The following SERAC1 variants were observed in gnomAD, a reference collection of about 807,000 sequenced individuals.
SERAC1 encodes the protein protein SERAC1.
In SERAC1, 36 loss-of-function variants were observed where a neutral mutation model predicts 85.7. That is an observed-to-expected ratio of 0.42 (90% confidence interval 0.32 to 0.55). The LOEUF (loss-of-function observed/expected upper bound fraction) is 0.55. Ranked by LOEUF, SERAC1 falls within the 20% of genes least tolerant of loss-of-function variation. SERAC1 has a pLI of 0.11. For synonymous variants in SERAC1, 242 were observed against 265.3 expected, an observed-to-expected ratio of 0.91 and a Z score of 0.85; for missense variants, 629 against 796.2, an observed-to-expected ratio of 0.79 and a Z score of 2.53.
chr6:158,158,418 C>T (rs978825951), intron 1 of SERAC1, 54 bp from the exon 2 acceptor site: 2 of 1,291,456 alleles, frequency 1.5e-6, no homozygotes, highest in Non-Finnish European at 2.2e-6. Flanking sequence ...AATCAAAACA[C>T]TTGTTTTAAC....
intron 10 of SERAC1, among the ~76,000 whole-genome samples, chr6:158,126,136 A>G (rs895902930): frequency 6.6e-6 from 1 of 152,196 alleles, no homozygotes; most frequent in Admixed American, 6.5e-5. Flanking sequence ...ATCTATATAT[A>G]TATGTGTGTA....
intron 10 of SERAC1, among the ~76,000 whole-genome samples, chr6:158,127,421 G>A (rs1467967627): frequency 2.7e-5 from 1 of 37,636 alleles, no homozygotes; most frequent in Admixed American, 3.1e-4. Context: ...GGGAGGTGAG[G>A]GGCGCCTCTG....
At chr6:158,131,860 T>C (rs827673) in intron 8 of SERAC1, among the ~76,000 whole-genome samples, 80,700 of 152,084 alleles carry the variant, frequency 0.53, 21,766 homozygotes, top group African/African-American at 0.61. Context: ...AAATCAATTA[T>C]GGTACAGTTG....
intron 3 of SERAC1, among the ~76,000 whole-genome samples, chr6:158,153,889 G>C (rs994152278): frequency 1.3e-5 from 2 of 152,088 alleles, no homozygotes; most frequent in Non-Finnish European, 2.9e-5. Flanking sequence ...CCAGCACTTT[G>C]GAAGGCCAAG....
chr6:158,158,132 G>GT, intron 2 of SERAC1, 141 bp downstream of exon 2: 1 of 526,580 alleles, frequency 1.9e-6, no homozygotes, highest in Non-Finnish European at 3.3e-6. Context: ...TAAATTTGGG[G>GT]TGAACTATTA....
rs189786314 is a variant in SERAC1 at position 158,120,695 on chromosome 6, G to A, written c.1016-120C>T. 62 of 1,093,468 alleles carry A rather than the reference G, an allele frequency of 5.7e-5. No homozygotes were observed. The highest frequency in any genetic ancestry group is 4.0e-4 in the Admixed American group (15 of 37,620). 67.7% of individuals were successfully genotyped at this position (1,093,468 alleles called of 1,614,324 possible). A position where few individuals can be genotyped will look rare whatever the true frequency, so the allele number is the denominator to read the frequency against. On this transcript the variant is annotated intron_variant, in intron 10 of 16. Transcript: ENST00000647468. The surrounding 1 kb of genome is among the most constrained non-coding windows in gnomAD (Gnocchi z 4.4). Reference sequence around the variant, plus strand: ...CAAACCTTGCGTGTCTGTCCTTGGCGGAGAAGTCCGACTATTCCAACCCCA... The same window carrying A: ...CAAACCTTGCGTGTCTGTCCTTGGCAGAGAAGTCCGACTATTCCAACCCCA...
At position 158,139,908 on chromosome 6, in the gene SERAC1, T is replaced by C. The variant is rs188899255; in HGVS notation, c.738+3148A>G. Reference sequence around the variant, plus strand: ...AATGAAGATACTACTTCACACACAATGGGATGGCTAGAATAAAAGATGGAC... The same window carrying C: ...AATGAAGATACTACTTCACACACAACGGGATGGCTAGAATAAAAGATGGAC... On this transcript the variant is annotated intron_variant, in intron 8 of 16. Transcript: ENST00000647468. Among the ~76,000 whole-genome samples, 304 of 152,236 alleles carry C rather than the reference T, an allele frequency of 2.0e-3. 1 individual carries two copies. Among genetic ancestry groups the C allele is most frequent in the Non-Finnish European group, 3.2e-3 (220 of 68,014 alleles).
At chr6:158,165,421 C>G (rs1487709884) in intron 1 of SERAC1, among the ~76,000 whole-genome samples, 1 of 152,174 alleles carries the variant, frequency 6.6e-6, no homozygotes, top group African/African-American at 2.4e-5. Context: ...TACCAAAGTG[C>G]TGGGATTACA....
At chr6:158,147,287 T>A (rs1036709484) in intron 5 of SERAC1, among the ~76,000 whole-genome samples, 1 of 151,556 alleles carries the variant, frequency 6.6e-6, no homozygotes, top group South Asian at 2.1e-4. Context: ...CACAGGGGTA[T>A]ACCATCAGGC....
chr6:158,144,446 T>C, intron 6 of SERAC1, 26 bp from the exon 7 acceptor site: 3 of 1,542,426 alleles, frequency 1.9e-6, no homozygotes, highest in Non-Finnish European at 2.6e-6. Context: ...TTTCTTTTGT[T>C]AATACCAAAA....
intron 5 of SERAC1, among the ~76,000 whole-genome samples, chr6:158,148,129 T>C (rs1388323680): frequency 2.0e-5 from 3 of 152,238 alleles, no homozygotes; most frequent in African/African-American, 7.2e-5. Context: ...TTTAATAGTC[T>C]CTTTCAATTA....
rs188511836 is a variant in SERAC1 at position 158,128,292 on chromosome 6, A to G, written c.853-22T>C. The G allele has an allele frequency of 3.9e-5, 63 of 1,612,188 alleles. No homozygotes were observed. The East Asian group carries it at 1.4e-3, about 36-fold the overall frequency. ...ATATCTGGCACAATAAATAAACAGA[A>G]GCTCCCTTGACATTGTACAAATTCA... is the stretch of plus-strand genomic sequence containing the variant. On this transcript the variant is annotated intron_variant, in intron 9 of 16. Transcript: ENST00000647468.
At chr6:158,122,028 C>A (rs114016394) in intron 10 of SERAC1, among the ~76,000 whole-genome samples, 3 of 152,202 alleles carry the variant, frequency 2.0e-5, no homozygotes, top group African/African-American at 7.2e-5. Flanking sequence ...CTATGGTGAT[C>A]CCATAAGATT....
chr6:158,143,453 A>G (rs1382226287), intron 7 of SERAC1, among the ~76,000 whole-genome samples: 1 of 151,852 alleles, frequency 6.6e-6, no homozygotes, highest in African/African-American at 2.4e-5. Flanking sequence ...AGTCTTGAAA[A>G]CAGTCACCCA....
intron 6 of SERAC1, among the ~76,000 whole-genome samples, chr6:158,145,522 C>CTT (rs770977567): frequency 3.5e-4 from 45 of 129,188 alleles, no homozygotes; most frequent in African/African-American, 6.9e-4. Flanking sequence ...GAGAATTTTT[C>CTT]TTTTTTTTTT....
At chr6:158,151,703 G>A (rs1785208798) in intron 3 of SERAC1, among the ~76,000 whole-genome samples, 1 of 152,160 alleles carries the variant, frequency 6.6e-6, no homozygotes, top group South Asian at 2.1e-4. Flanking sequence ...GGGATTACAG[G>A]CGTGAGCTGC....
In SERAC1 at chr6:158,130,409, T is replaced by C; in HGVS notation, c.816A>G (p.Glu272=). The C allele has an allele frequency of 6.2e-7, 1 of 1,600,820 alleles. No homozygotes were observed. The highest frequency in any genetic ancestry group is 8.5e-7 in the Non-Finnish European group (1 of 1,174,972). ...TTACTATAGCTTCTAAACAGAACAT[T>C]TCCACTGTTGCTGAAGGAACTTCTC... ...SFGEVPSATV[E]MFCLEAIVKH... The change falls in exon 9 of 17, where the codon GAA becomes GAG. Residue 272 remains glutamate, a synonymous_variant. Coordinates refer to ENST00000647468, the MANE Select transcript of SERAC1 (RefSeq NM_032861.4).
chr6:158,149,288 G>A (rs910137460), intron 4 of SERAC1, among the ~76,000 whole-genome samples: 14 of 152,126 alleles, frequency 9.2e-5, no homozygotes, highest in African/African-American at 2.2e-4. Flanking sequence ...CATCACACCC[G>A]GCCCAAGAAT....
chr6:158,110,847 A>T lies in SERAC1; in HGVS notation c.*519T>A, dbSNP rs1348579981. 6.6e-6 allele frequency: 1 copy of T among 152,282 alleles called. No individual in the cohort carries two copies. Among genetic ancestry groups the T allele is most frequent in the East Asian group, 1.9e-4 (1 of 5,204 alleles). 9.4% of individuals were successfully genotyped at this position (152,282 alleles called of 1,614,324 possible). ...GTCTAACAAAGTTAACACTAGTAATAATGTGTCAGATAAAAGGTAGAACTG... is the reference window on the plus strand; with the variant it reads ...GTCTAACAAAGTTAACACTAGTAATTATGTGTCAGATAAAAGGTAGAACTG... On this transcript the variant is annotated 3_prime_UTR_variant, in exon 17 of 17. Transcript: ENST00000647468.
Sources: allele counts gnomAD v4.1 joint callset (sites outside exome capture counted in the v4.1 genomes callset), GRCh38; gene constraint gnomAD v4.1.1; non-coding constraint Gnocchi (gnomAD v3.1); transcripts MANE v1.5; gene names NCBI Gene and HGNC (gene_info 2026-07-23, HGNC 2026-07-21).